CA8: variants seen among roughly 807,000 people sequenced by gnomAD.
CA8 encodes the protein carbonic anhydrase-related protein.
Under a neutral mutation model 41.4 loss-of-function variants are expected in CA8, and 22 were observed. The observed-to-expected ratio is 0.53, with a 90% CI of 0.38 to 0.76. The LOEUF (loss-of-function observed/expected upper bound fraction) is 0.76. Ranked by LOEUF, CA8 falls within the 30% of genes least tolerant of loss-of-function variation. The pLI, the probability that CA8 is intolerant of heterozygous loss-of-function variation, is 0.00. For missense variants in CA8, 270 were observed against 352.8 expected (o/e 0.77, Z 1.88); for synonymous variants, 121 against 130.6 (o/e 0.93, Z 0.50).
At chr8:60,223,659 T>C (rs763148604) in intron 6 of CA8, among the ~76,000 whole-genome samples, 2 of 152,312 alleles carry the variant, frequency 1.3e-5, no homozygotes, top group Middle Eastern at 3.4e-3. Flanking sequence ...TAAAATCATA[T>C]TACAATAAAA....
chr8:60,233,983 A>G (rs764495637), intron 3 of CA8, among the ~76,000 whole-genome samples: 3 of 152,200 alleles, frequency 2.0e-5, no homozygotes, highest in Admixed American at 1.3e-4. Flanking sequence ...TGTTTCAAAG[A>G]GTAAAGTATG....
chr8:60,214,046 T>C (rs776983779), intron 7 of CA8, among the ~76,000 whole-genome samples: 7 of 152,218 alleles, frequency 4.6e-5, no homozygotes, highest in Admixed American at 3.3e-4. Flanking sequence ...CAATCTGTGC[T>C]TCAACAAGCC....
chr8:60,225,847 G>C (rs975873277), intron 5 of CA8, among the ~76,000 whole-genome samples: 1 of 152,206 alleles, frequency 6.6e-6, no homozygotes, highest in Non-Finnish European at 1.5e-5. Flanking sequence ...CATTGGGCCA[G>C]GCATGGTGGC....
At chr8:60,253,256 A>C (rs928115796) in intron 3 of CA8, among the ~76,000 whole-genome samples, 6 of 152,032 alleles carry the variant, frequency 3.9e-5, no homozygotes, top group Non-Finnish European at 8.8e-5. Flanking sequence ...TAAAAATAAA[A>C]ACAATATGGA....
At chr8:60,274,028 T>G (rs1804150527) in intron 2 of CA8, among the ~76,000 whole-genome samples, 1 of 152,222 alleles carries the variant, frequency 6.6e-6, no homozygotes, top group Non-Finnish European at 1.5e-5. Flanking sequence ...TAATATAAAC[T>G]AAGCAAAAAT....
chr8:60,271,203 G>T (rs1804060547), intron 2 of CA8, among the ~76,000 whole-genome samples: 1 of 152,032 alleles, frequency 6.6e-6, no homozygotes, highest in African/African-American at 2.4e-5. Flanking sequence ...AATTAGCTGG[G>T]CATGGTGGCA....
intron 8 of CA8, among the ~76,000 whole-genome samples, chr8:60,203,899 T>C (rs1165603291): frequency 1.3e-5 from 2 of 152,200 alleles, no homozygotes; most frequent in African/African-American, 4.8e-5. Flanking sequence ...ATGATAAATT[T>C]AATAGAGACA....
chr8:60,198,826 C>T (rs1041470417), intron 8 of CA8, among the ~76,000 whole-genome samples: 3 of 152,014 alleles, frequency 2.0e-5, no homozygotes, highest in Non-Finnish European at 4.4e-5. Flanking sequence ...CAGGAATGTT[C>T]CATACACAAC....
chr8:60,244,321 T>C (rs1257114097), intron 3 of CA8, among the ~76,000 whole-genome samples: 1 of 152,202 alleles, frequency 6.6e-6, no homozygotes, highest in Non-Finnish European at 1.5e-5. Flanking sequence ...CTTTGATTCA[T>C]TCTCTACCCT....
At chr8:60,228,433 G>C (rs1299259963) in intron 4 of CA8, among the ~76,000 whole-genome samples, 27 of 152,092 alleles carry the variant, frequency 1.8e-4, no homozygotes, top group Admixed American at 1.8e-3. Context: ...CTGCACTTGG[G>C]GTCTGTTTTC....
intron 8 of CA8, among the ~76,000 whole-genome samples, chr8:60,205,027 G>A (rs1008295649): frequency 2.0e-5 from 3 of 152,062 alleles, no homozygotes; most frequent in Non-Finnish European, 2.9e-5. Flanking sequence ...ATTATTAACC[G>A]CAAAAGTACA....
At position 60,232,348 on chromosome 8, in the gene CA8, A is replaced by G. The variant is rs780978826; in HGVS notation, c.449T>C (p.Phe150Ser). 44 of 1,614,080 alleles carry G rather than the reference A, an allele frequency of 2.7e-5. No homozygotes were observed. Among genetic ancestry groups the G allele is most frequent in the Non-Finnish European group, 3.5e-5 (41 of 1,179,924 alleles). Residue 150 changes from phenylalanine to serine, a missense_variant, in exon 4 of 9, where the codon TTT becomes TCT. This residue lies in a region of CA8 where 141 missense variants were observed against 191.6 expected (regional missense o/e 0.74). Transcript: ENST00000317995. ...CCCCACAGCCTCATCAATGCTGCCA[A>G]ACAGAGTGGAGTTCCAGTGGATCAG... ...LHLIHWNSTL[F>S]GSIDEAVGKP...
At chr8:60,196,316 C>A (rs182414127) in intron 8 of CA8, among the ~76,000 whole-genome samples, 51 of 152,220 alleles carry the variant, frequency 3.4e-4, no homozygotes, top group African/African-American at 1.2e-3. Flanking sequence ...GTGCATTTTA[C>A]CATAGCTCAT....
chr8:60,272,446 T>C (rs995263180), intron 2 of CA8, among the ~76,000 whole-genome samples: 7 of 152,128 alleles, frequency 4.6e-5, no homozygotes, highest in African/African-American at 1.4e-4. Context: ...CCTCATGAAT[T>C]TGCTCCATAA....
chr8:60,200,322 ACCCTTT>A (rs1285019026), intron 8 of CA8, among the ~76,000 whole-genome samples: 2 of 152,156 alleles, frequency 1.3e-5, no homozygotes, highest in Admixed American at 6.5e-5. Context: ...AAGACATGTA[ACCCTTT>A]CCCTTCTTCG....
chr8:60,252,087 C>A (rs1054697160), intron 3 of CA8, among the ~76,000 whole-genome samples: 2 of 152,082 alleles, frequency 1.3e-5, no homozygotes, highest in African/African-American at 4.8e-5. Flanking sequence ...TATTCCTTAT[C>A]TTTATATTCT....
chr8:60,224,811 T>G (rs1046396731), intron 5 of CA8, among the ~76,000 whole-genome samples: 1 of 152,190 alleles, frequency 6.6e-6, no homozygotes, highest in Non-Finnish European at 1.5e-5. Flanking sequence ...CAATTCTCCC[T>G]GTAAGTCCTG....
intron 8 of CA8, among the ~76,000 whole-genome samples, chr8:60,202,245 G>C (rs1434409385): frequency 1.3e-5 from 2 of 150,968 alleles, no homozygotes; most frequent in Non-Finnish European, 3.0e-5. Flanking sequence ...GTAGAGATGG[G>C]GTTTCACCAT....
intron 4 of CA8, among the ~76,000 whole-genome samples, chr8:60,231,676 A>G (rs1476767372): frequency 6.6e-6 from 1 of 152,212 alleles, no homozygotes; most frequent in East Asian, 1.9e-4. Flanking sequence ...CAAAATTTAG[A>G]AGATTCGCCT....
Sources: gnomAD v4.1 joint callset for allele counts (sites outside exome capture counted in the v4.1 genomes callset) on GRCh38, gnomAD v4.1.1 for gene constraint, gnomAD v4.1.1 regional missense constraint, MANE v1.5 for transcripts, NCBI Gene and HGNC (gene_info 2026-07-23, HGNC 2026-07-21) for gene names.